Variants in CCDC12 observed in about 807,000 individuals in gnomAD.
CCDC12 encodes coiled-coil domain-containing protein 12.
CCDC12 carries 28 observed loss-of-function variants against 25.7 expected under a neutral mutation model. That is an observed-to-expected ratio of 1.09 (90% CI 0.81 to 1.50). CCDC12 has a LOEUF of 1.50. CCDC12 is among the 40% of genes most tolerant of loss of function. The probability of loss-of-function intolerance (pLI) is 0.00; values close to 1 mark genes in which losing one functional copy is unlikely to be tolerated. For missense variants in CCDC12, 198 were observed against 210.0 expected, an observed-to-expected ratio of 0.94 and a Z score of 0.35; for synonymous variants, 75 against 87.7, an observed-to-expected ratio of 0.86 and a Z score of 0.81.
chr3:46,937,805 G>A (rs1455203415), intron 2 of CCDC12, among the ~76,000 whole-genome samples: 1 of 152,158 alleles, frequency 6.6e-6, no homozygotes, highest in Non-Finnish European at 1.5e-5. Context: ...CATAGGTCTG[G>A]CCCTGTGTTA....
intron 1 of CCDC12, among the ~76,000 whole-genome samples, chr3:46,966,783 C>T (rs1340207690): frequency 6.6e-6 from 1 of 152,114 alleles, no homozygotes; most frequent in Non-Finnish European, 1.5e-5. Context: ...CATGCTGCAC[C>T]TCAACCCAGC....
intron 1 of CCDC12, among the ~76,000 whole-genome samples, chr3:46,959,012 T>C (rs1484755981): frequency 6.6e-6 from 1 of 151,880 alleles, no homozygotes; most frequent in Non-Finnish European, 1.5e-5. Context: ...TTTTAACCTC[T>C]GGTCAGCTGC....
chr3:46,934,118 G>A (rs531365838), intron 2 of CCDC12, among the ~76,000 whole-genome samples: 16 of 152,338 alleles, frequency 1.1e-4, no homozygotes, highest in South Asian at 2.1e-4. Context: ...AACAGGAGAG[G>A]AGTAAACGTT....
chr3:46,960,650 C>T (rs62246361), intron 1 of CCDC12, among the ~76,000 whole-genome samples: 20,210 of 152,242 alleles, frequency 0.13, 1,762 homozygotes, highest in Non-Finnish European at 0.2. Context: ...TTCAAGGATA[C>T]AAGCTGTTGC....
At chr3:46,959,860 C>T (rs2061197) in intron 1 of CCDC12, among the ~76,000 whole-genome samples, 55,765 of 152,000 alleles carry the variant, frequency 0.37, 10,891 homozygotes, top group Middle Eastern at 0.52. Context: ...ATGCCATCCA[C>T]TCAATCCCTC....
chr3:46,978,059 G>C (rs533999619), upstream of CCDC12, among the ~76,000 whole-genome samples: 6 of 152,340 alleles, frequency 3.9e-5, no homozygotes, highest in South Asian at 1.2e-3. Context: ...TAGCCTCTTA[G>C]GCTGTTCCCT....
At chr3:46,924,649 A>G (rs1383398489) in intron 3 of CCDC12, among the ~76,000 whole-genome samples, 1 of 152,140 alleles carries the variant, frequency 6.6e-6, no homozygotes, top group Non-Finnish European at 1.5e-5. Flanking sequence ...GGAGTTCAAG[A>G]CCAGCCTGGC....
At chr3:46,976,897 C>A (rs3749409), upstream of CCDC12, 5 of 1,064,524 alleles carry the variant, frequency 4.7e-6, no homozygotes, top group East Asian at 1.4e-4. Context: ...CGCCTTGCCC[C>A]GCCCCGCCCC....
rs187624805 is a variant in CCDC12, at chr3:46,966,792, G to C, written c.96+9845C>G. ...GGCCAGCATGCTGCACCTCAACCCA[G>C]CTGGCCTGGATTCCACTGGCACCAC... On this transcript the variant is annotated intron_variant, in intron 1 of 6. Coordinates refer to ENST00000683445, the MANE Select transcript of CCDC12 (RefSeq NM_001277074.2). 3.9e-5 allele frequency among the ~76,000 whole-genome samples: 6 copies of C among 152,234 alleles called. No homozygotes were observed. In the East Asian group the frequency reaches 1.2e-3, roughly 29 times the overall value.
intron 1 of CCDC12, among the ~76,000 whole-genome samples, chr3:46,951,798 A>AAAAAAAAAAAATATATATATAT: frequency 5.9e-4 from 5 of 8,466 alleles, no homozygotes; most frequent in Non-Finnish European, 1.1e-3. Context: ...AAAAAAAAAA[A>AAAAAAAAAAAATATATATATAT]ATATATATAT....
rs186506389 is a variant in CCDC12 at position 46,923,679 on chromosome 3, C to T, written c.245-11G>A. On this transcript the variant is annotated splice_polypyrimidine_tract_variant and intron_variant, in intron 3 of 6. Transcript: ENST00000683445. ...TCACCTTCTCCTCCACTAGAGGGTG[C>T]AATTAAACAGAGAAGGCCTGTGGAA... The T allele has an allele frequency of 2.7e-5, 41 of 1,521,900 alleles. No homozygotes were observed. The highest frequency in any genetic ancestry group is 4.1e-5 in the Admixed American group (2 of 48,384). 94.3% of individuals were successfully genotyped at this position (1,521,900 alleles called of 1,614,324 possible). A position where few individuals can be genotyped will look rare whatever the true frequency, so the allele number is the denominator to read the frequency against.
In CCDC12 at chr3:46,934,765, C is replaced by T. The variant is rs73831414; in HGVS notation, c.164+6233G>A. On this transcript the variant is annotated intron_variant, in intron 2 of 6. Coordinates refer to ENST00000683445, the MANE Select transcript of CCDC12 (RefSeq NM_001277074.2). ...AGGAAAAACGAGGCAGTCGTGGGTC[C>T]CTGTGCTGCTGCTTCAGCAGGAGAT... Among the ~76,000 whole-genome samples, 1,463 of 151,682 alleles carry T rather than the reference C, an allele frequency of 9.6e-3. 21 individuals are homozygous for T. The highest frequency in any genetic ancestry group is 0.034 in the African/African-American group (1,403 of 41,344).
At chr3:46,933,922 GAA>G (rs1185427658) in intron 2 of CCDC12, among the ~76,000 whole-genome samples, 5 of 82,470 alleles carry the variant, frequency 6.1e-5, no homozygotes, top group African/African-American at 1.3e-4. Flanking sequence ...AATATCAATT[GAA>G]AATTTTTTTT....
intron 2 of CCDC12, among the ~76,000 whole-genome samples, chr3:46,936,256 C>T (rs1419210479): frequency 6.6e-6 from 1 of 152,252 alleles, no homozygotes; most frequent in Non-Finnish European, 1.5e-5. Context: ...TAATCACAAA[C>T]TTCTAAGTCA....
chr3:46,976,788 G>C, upstream of CCDC12: 11 of 1,557,080 alleles, frequency 7.1e-6, no homozygotes, highest in Non-Finnish European at 8.7e-6. Context: ...GGCCTAAGGA[G>C]AGTGGATAAA....
At chr3:46,948,900 C>T (rs6442043) in intron 1 of CCDC12, among the ~76,000 whole-genome samples, 143,545 of 152,308 alleles carry the variant, frequency 0.94, 68,261 homozygotes, top group East Asian at 1. Context: ...CAGACTTTAT[C>T]AGTCGACAAA....
At chr3:46,945,173 T>G (rs1319107768) in intron 1 of CCDC12, among the ~76,000 whole-genome samples, 1 of 152,156 alleles carries the variant, frequency 6.6e-6, no homozygotes, top group Non-Finnish European at 1.5e-5. Flanking sequence ...CAAGAACCTC[T>G]CAGCACGGGG....
At chr3:46,964,955 AT>A (rs1401688665) in intron 1 of CCDC12, among the ~76,000 whole-genome samples, 2 of 151,922 alleles carry the variant, frequency 1.3e-5, no homozygotes, top group East Asian at 1.9e-4. Context: ...CAATAAAAAA[AT>A]AAAATAAAAT....
intron 5 of CCDC12, 83 bp from the exon 6 acceptor site, chr3:46,922,395 T>G (rs2032722331): frequency 1.4e-6 from 2 of 1,478,220 alleles, no homozygotes; most frequent in East Asian, 4.5e-5. Flanking sequence ...TGCAGCCCTC[T>G]GGCATTAGGA....
Sources: gnomAD v4.1 joint callset for allele counts (sites outside exome capture counted in the v4.1 genomes callset) on GRCh38, gnomAD v4.1.1 for gene constraint, MANE v1.5 for transcripts, NCBI Gene and HGNC (gene_info 2026-07-23, HGNC 2026-07-21) for gene names.